The following DNMT3L variants were observed in gnomAD, a reference collection of about 807,000 sequenced individuals.
DNMT3L encodes DNA methyltransferase 3 like, also known as DNA (cytosine-5)-methyltransferase 3-like.
DNMT3L carries 33 observed loss-of-function variants against 36.2 expected under a neutral mutation model. The ratio of observed to expected loss-of-function variants is 0.91; its 90% confidence interval spans 0.69 to 1.22. The LOEUF is 1.22. Ranked by LOEUF, DNMT3L falls within the 50% of genes most tolerant of loss-of-function variation. The probability of loss-of-function intolerance (pLI) is 0.00; values close to 1 mark genes in which losing one functional copy is unlikely to be tolerated. For synonymous variants in DNMT3L, 117 were observed against 121.7 expected, an observed-to-expected ratio of 0.96 and a Z score of 0.26; for missense variants, 310 against 303.1, an observed-to-expected ratio of 1.02 and a Z score of -0.17.
At chr21:44,261,028 AC>A in intron 2 of DNMT3L, 125 bp downstream of exon 2, 1 of 1,381,918 alleles carries the variant, frequency 7.2e-7, no homozygotes, top group East Asian at 2.3e-5. Flanking sequence ...TGGGTGGGGA[AC>A]CTCCTGCCCC....
intron 2 of DNMT3L, 69 bp downstream of exon 2, chr21:44,261,085 C>A: frequency 1.3e-6 from 2 of 1,564,362 alleles, no homozygotes; most frequent in South Asian, 2.2e-5. Context: ...AAGCCTGGAA[C>A]TCCAGACCTC....
At chr21:44,259,410 C>G in intron 5 of DNMT3L, 27 bp downstream of exon 5, 18 of 1,609,322 alleles carry the variant, frequency 1.1e-5, no homozygotes, top group Non-Finnish European at 1.5e-5. Context: ...AGCCCCTTCA[C>G]CCCCCTGGGC....
intron 6 of DNMT3L, among the ~76,000 whole-genome samples, 179 bp from the exon 7 acceptor site, chr21:44,256,333 G>A (rs1453415699): frequency 6.6e-6 from 1 of 151,748 alleles, no homozygotes; most frequent in Non-Finnish European, 1.5e-5. Flanking sequence ...CCCCCAGGAA[G>A]GCCAACTCCA....
In DNMT3L at chr21:44,258,626, C is replaced by T; in HGVS notation, c.413G>A (p.Ser138Asn). ...CAGGCACAGGTAGCACACCCAGTTG[C>T]TCATGGCGTGCACCTTCCCCGAGGT... Reference protein sequence around the residue: ...PGTSGKVHAMSNWVCYLCLPS... With the variant: ...PGTSGKVHAMNNWVCYLCLPS... Residue 138 changes from serine (S) to asparagine (N), a missense_variant, in exon 6 of 12, where the codon AGC becomes AAC. By Grantham distance (46) the Ser-to-Asn change is conservative (BLOSUM62 1). Transcript: ENST00000628202. The surrounding 1 kb of genome is among the most constrained non-coding windows in gnomAD (Gnocchi z 6.2). 1 of 1,612,814 alleles carries T rather than the reference C, an allele frequency of 6.2e-7. No individual in the cohort carries two copies. Among genetic ancestry groups the T allele is most frequent in the Non-Finnish European group, 8.5e-7 (1 of 1,179,970 alleles).
intron 8 of DNMT3L, among the ~76,000 whole-genome samples, chr21:44,253,710 C>A (rs2040236394): frequency 6.6e-6 from 1 of 152,098 alleles, no homozygotes; most frequent in Non-Finnish European, 1.5e-5. Context: ...CAGAGTGAGA[C>A]TCCATCTCAA....
rs113774047 is a variant in DNMT3L at position 44,258,983 on chromosome 21, G to A, written c.345-289C>T. On this transcript the variant is annotated intron_variant, in intron 5 of 11. Transcript: ENST00000628202. This position sits in a 1 kb window ranked among gnomAD's most constrained non-coding sequence, Gnocchi z 6.2. The stretch of plus-strand genomic sequence containing the variant: ...CCCCAAACTCGAGCCTGCAGAAACA[G>A]CGTAGGGACTCCCAGCAAAACCAAA... Among the ~76,000 whole-genome samples the A allele has an allele frequency of 2.6e-5, 4 of 152,162 alleles. No homozygotes were observed. The highest frequency in any genetic ancestry group is 7.2e-5 in the African/African-American group (3 of 41,428).
At chr21:44,259,796 TA>T in intron 3 of DNMT3L, 85 bp from the exon 4 acceptor site, 1 of 1,393,224 alleles carries the variant, frequency 7.2e-7, no homozygotes, top group Non-Finnish European at 1.0e-6. Flanking sequence ...GCCAAACAAA[TA>T]TGAGACTTAT....
chr21:44,261,613 C>T (rs1214283628), intron 1 of DNMT3L, 127 bp downstream of exon 1: 3 of 244,324 alleles, frequency 1.2e-5, no homozygotes, highest in South Asian at 1.1e-4. Flanking sequence ...CAGCCTTCGA[C>T]CCCTCAGGGA....
Position 44,261,342 on chromosome 21 carries a change from G to A in DNMT3L, c.-7-76C>T, listed in dbSNP as rs2040317346. 5 of 1,413,960 alleles carry A rather than the reference G, an allele frequency of 3.5e-6. No homozygotes were observed. In the South Asian group the frequency reaches 4.8e-5, roughly 13 times the overall value. The allele number at this position is 1,413,960 out of a possible 1,614,324, so 87.6% of individuals were successfully genotyped here. ...CAGATCCCTGATGCACCCCAGCACG[G>A]GAAGCAGCTTGCTGAGCAGACCTTG... is the stretch of plus-strand genomic sequence containing the variant. On this transcript the variant is annotated intron_variant, in intron 1 of 11. Transcript: ENST00000628202.
chr21:44,255,937 G>T, intron 7 of DNMT3L, 130 bp downstream of exon 7: 1 of 895,506 alleles, frequency 1.1e-6, no homozygotes, highest in Non-Finnish European at 1.8e-6. Flanking sequence ...CCAGGGTGGG[G>T]AAGGGTACAG....
At chr21:44,261,317 C>T (rs2040317140) in intron 1 of DNMT3L, 51 bp from the exon 2 acceptor site, 10 of 1,556,702 alleles carry the variant, frequency 6.4e-6, no homozygotes, top group Admixed American at 5.0e-5. Flanking sequence ...AGCCCCTGCT[C>T]AGATCCCTGA....
intron 2 of DNMT3L, 23 bp from the exon 3 acceptor site, chr21:44,260,862 G>GC (rs1385790447): frequency 6.2e-7 from 1 of 1,612,850 alleles, no homozygotes; most frequent in Non-Finnish European, 8.5e-7. Context: ...ATAAGAAGTA[G>GC]CCCCTTTCTT....
chr21:44,257,679 TCA>T (rs1491330486), intron 6 of DNMT3L, among the ~76,000 whole-genome samples: 1 of 36,082 alleles, frequency 2.8e-5, no homozygotes. Flanking sequence ...AGACTCCGTC[TCA>T]AAAAAAAAAA....
intron 1 of DNMT3L, 123 bp from the exon 2 acceptor site, chr21:44,261,389 C>T (rs1050402031): frequency 2.3e-6 from 2 of 877,634 alleles, no homozygotes; most frequent in Admixed American, 2.3e-5. Context: ...CCACCTGAAC[C>T]CCCGCGGTGA....
At position 44,256,076 on chromosome 21, in the gene DNMT3L, T is replaced by A; in HGVS notation, c.595A>T (p.Ile199Phe). 6.2e-7 allele frequency: 1 copy of A among 1,613,922 alleles called. No homozygotes were observed. The highest frequency in any genetic ancestry group is 8.5e-7 in the Non-Finnish European group (1 of 1,179,992). The part of the protein sequence containing the change: ...PVRVLSLFED[I>F]KKELTSLGFL... ...GACATCACTGACTCACCTTTCTTGA[T>A]GTCTTCAAAAAGGGACAGCACCCGG... Residue 199 changes from isoleucine to phenylalanine, a missense_variant, in exon 7 of 12, where the codon ATC becomes TTC. Transcript: ENST00000628202.
Position 44,258,188 on chromosome 21 carries a change from C to G in DNMT3L, c.516+335G>C, listed in dbSNP as rs2040280150. ...GCCCCCCTGGCTCCTCGGCTGGACT[C>G]CCAAAACGGCCCACACCTGGCCAGC... is the stretch of plus-strand genomic sequence containing the variant. On this transcript the variant is annotated intron_variant, in intron 6 of 11. Coordinates refer to ENST00000628202, the MANE Select transcript of DNMT3L (RefSeq NM_175867.3). The surrounding 1 kb of genome is among the most constrained non-coding windows in gnomAD (Gnocchi z 6.2). Among the ~76,000 whole-genome samples the G allele has an allele frequency of 6.6e-6, 1 of 152,140 alleles. No homozygotes were observed. The highest frequency in any genetic ancestry group is 1.5e-5 in the Non-Finnish European group (1 of 68,020).
intron 7 of DNMT3L, 120 bp from the exon 8 acceptor site, chr21:44,254,825 T>C (rs969798107): frequency 1.0e-6 from 1 of 972,960 alleles, no homozygotes; most frequent in African/African-American, 1.7e-5. Flanking sequence ...CAACTGTATA[T>C]TTTTGTTGTT....
chr21:44,257,573 TGG>T (rs1568916140), intron 6 of DNMT3L, among the ~76,000 whole-genome samples: 137 of 147,358 alleles, frequency 9.3e-4, no homozygotes, highest in African/African-American at 3.3e-3. Flanking sequence ...CCCAGCTACT[TGG>T]GAGGCTGAGG....
At chr21:44,260,235 G>A (rs74570126) in intron 3 of DNMT3L, among the ~76,000 whole-genome samples, 2 of 152,214 alleles carry the variant, frequency 1.3e-5, no homozygotes, top group African/African-American at 2.4e-5. Flanking sequence ...AGAGAAAGTC[G>A]AGGAGTGGTT....
Sources: gnomAD v4.1 joint callset for allele counts (sites outside exome capture counted in the v4.1 genomes callset) on GRCh38, gnomAD v4.1.1 for gene constraint, Gnocchi (gnomAD v3.1) non-coding constraint, MANE v1.5 for transcripts, NCBI Gene and HGNC (gene_info 2026-07-23, HGNC 2026-07-21) for gene names.